Variants in MAN2B2 observed in about 807,000 individuals in gnomAD.
MAN2B2 encodes the protein mannosidase alpha class 2B member 2.
Under a neutral mutation model 117.1 loss-of-function variants are expected in MAN2B2, and 106 were observed. The ratio of observed to expected loss-of-function variants is 0.90; its 90% CI spans 0.77 to 1.06. MAN2B2 has a LOEUF of 1.06. Among genes scored for constraint, MAN2B2 ranks in the 50% least tolerant of loss-of-function variants. The pLI, the probability that MAN2B2 is intolerant of heterozygous loss-of-function variation, is 0.00. For missense variants in MAN2B2, 1,326 were observed against 1,381.4 expected (o/e 0.96, Z 0.64); for synonymous variants, 544 against 595.1 (o/e 0.91, Z 1.25).
chr4:6,587,241 G>A, intron 4 of MAN2B2, 73 bp downstream of exon 4: 1 of 1,538,804 alleles, frequency 6.5e-7, no homozygotes, highest in Non-Finnish European at 8.8e-7. Flanking sequence ...GAGCACGGTA[G>A]AAAGCTGCTG....
At chr4:6,579,828 T>A (rs1295868390) in intron 3 of MAN2B2, among the ~76,000 whole-genome samples, 1 of 152,236 alleles carries the variant, frequency 6.6e-6, no homozygotes, top group Non-Finnish European at 1.5e-5. Context: ...CTACTCACCA[T>A]TTACCAAATG....
intron 7 of MAN2B2, among the ~76,000 whole-genome samples, chr4:6,595,508 C>A (rs529032718): frequency 1.5e-4 from 23 of 152,264 alleles, no homozygotes; most frequent in African/African-American, 4.6e-4. Flanking sequence ...GGGCTGGTGT[C>A]TAGAGAGGGC....
At chr4:6,596,978 GC>G in intron 7 of MAN2B2, 134 bp from the exon 8 acceptor site, 1 of 828,868 alleles carries the variant, frequency 1.2e-6, no homozygotes, top group Middle Eastern at 2.4e-4. Flanking sequence ...CTCGCTGCCT[GC>G]CCGGCCTGCC....
chr4:6,599,398 C>T lies in MAN2B2; in HGVS notation c.1405+1044C>T, dbSNP rs375195213. Reference sequence around the variant, plus strand: ...TGCTATCTGGCCAGGCATGGTGGCTCACACCTGTAATCCCAGCACTTTGGG... The same window carrying T: ...TGCTATCTGGCCAGGCATGGTGGCTTACACCTGTAATCCCAGCACTTTGGG... On this transcript the variant is annotated intron_variant, in intron 9 of 18. Coordinates refer to ENST00000285599, the MANE Select transcript of MAN2B2 (RefSeq NM_015274.3). Among the ~76,000 whole-genome samples the T allele has an allele frequency of 2.4e-4, 36 of 152,226 alleles. No individual in the cohort carries two copies. The South Asian group carries it at 7.1e-3, about 30-fold the overall frequency.
intron 3 of MAN2B2, among the ~76,000 whole-genome samples, chr4:6,582,637 GC>G (rs1470004379): frequency 1.3e-5 from 2 of 151,846 alleles, no homozygotes; most frequent in African/African-American, 4.8e-5. Flanking sequence ...ACCAAGCCCG[GC>G]CCCCAGCAGT....
intron 3 of MAN2B2, among the ~76,000 whole-genome samples, chr4:6,583,998 C>T (rs138227469): frequency 7.9e-5 from 12 of 152,316 alleles, no homozygotes; most frequent in African/African-American, 2.6e-4. Context: ...TCTTAATGCA[C>T]CTGCTCGGGA....
At chr4:6,588,533 G>A (rs1726731627) in intron 4 of MAN2B2, among the ~76,000 whole-genome samples, 1 of 152,066 alleles carries the variant, frequency 6.6e-6, no homozygotes, top group Non-Finnish European at 1.5e-5. Context: ...TGGCCAACAT[G>A]GCAAAACCCC....
rs772008155 is a variant in MAN2B2, at chr4:6,610,844, C to G, written c.2260-36C>G. ...GATGCCTGACCTACCTTGCCCTTTG[C>G]CCCAATCGCCCACCTGGCGATGTTT... is the stretch of plus-strand genomic sequence containing the variant. On this transcript the variant is annotated intron_variant, in intron 13 of 18. Transcript: ENST00000285599. The G allele has an allele frequency of 4.4e-6, 7 of 1,594,056 alleles. No individual in the cohort carries two copies. The East Asian group carries it at 1.6e-4, about 36-fold the overall frequency.
At chr4:6,619,377 A>G (rs6816481) in intron 17 of MAN2B2, 145,841 of 152,346 alleles carry the variant, frequency 0.96, 70,122 homozygotes, top group East Asian at 1. Flanking sequence ...GGTAGGGCTC[A>G]GCAGTAGTGG....
rs765163911 is a variant in MAN2B2, at chr4:6,594,672, C to A, written c.997C>A (p.His333Asn). The change falls in exon 7 of 19, where the codon CAC becomes AAC. Residue 333 changes from histidine (H) to asparagine (N), a missense_variant. Coordinates refer to ENST00000285599, the MANE Select transcript of MAN2B2 (RefSeq NM_015274.3). Reference sequence around the variant, plus strand: ...GCTGGGCGACTACTTCCGTGCCCTGCACGCTCTCAATGTCACCTGGCGTGT... The same window carrying A: ...GCTGGGCGACTACTTCCGTGCCCTGAACGCTCTCAATGTCACCTGGCGTGT... ...ATLGDYFRAL[H>N]ALNVTWRVRD... 1.2e-5 allele frequency: 20 copies of A among 1,613,268 alleles called. No individual in the cohort carries two copies. The highest frequency in any genetic ancestry group is 4.2e-6 in the Non-Finnish European group (5 of 1,180,024).
chr4:6,575,189 A>G lies in MAN2B2; in HGVS notation c.-22A>G, dbSNP rs1056419467. On this transcript the variant is annotated 5_prime_UTR_variant, in exon 1 of 19. Transcript: ENST00000285599. ...TCGCGGACCCGGAAGTGGGCCTGGC[A>G]CCTTCCCGGCCTGCCGCAGGGATGG... 3 of 1,337,004 alleles carry G rather than the reference A, an allele frequency of 2.2e-6. No individual in the cohort carries two copies. Among genetic ancestry groups the G allele is most frequent in the Non-Finnish European group, 3.1e-6 (3 of 980,776 alleles). The allele number at this position is 1,337,004 out of a possible 1,614,324, so 82.8% of individuals were successfully genotyped here. A position where few individuals can be genotyped will look rare whatever the true frequency, so the allele number is the denominator to read the frequency against.
Position 6,605,201 on chromosome 4 carries a change from C to A in MAN2B2, c.1686C>A (p.Thr562=). ...TQEPAATVAS[T]LQFGRRLRRR... is the part of the protein sequence containing the mutation. ...AGCCGGCTGCCACTGTGGCGAGCAC[C>A]CTTCAATTTGGCCGCAGGCTGAGGA... Residue 562 remains threonine (T), a synonymous_variant, in exon 11 of 19, where the codon ACC becomes ACA. Transcript: ENST00000285599. 1 of 1,614,224 alleles carries A rather than the reference C, an allele frequency of 6.2e-7. No individual in the cohort carries two copies.
In MAN2B2 at chr4:6,617,429, C is replaced by A; in HGVS notation, c.2751C>A (p.Leu917=). The A allele has an allele frequency of 6.2e-7, 1 of 1,614,168 alleles. No individual in the cohort carries two copies. The highest frequency in any genetic ancestry group is 8.5e-7 in the Non-Finnish European group (1 of 1,180,020). Reference sequence around the variant, plus strand: ...ACCTCCGCCGTGTCCTGCTGCGGCTCTACCACCTATATGAAGTGGGCGAGG... The same window carrying A: ...ACCTCCGCCGTGTCCTGCTGCGGCTATACCACCTATATGAAGTGGGCGAGG... ...QADLRRVLLR[L]YHLYEVGEDP... is the part of the protein sequence containing the mutation. The change falls in exon 17 of 19, where the codon CTC becomes CTA. Residue 917 remains leucine, a synonymous_variant. Coordinates refer to ENST00000285599, the MANE Select transcript of MAN2B2 (RefSeq NM_015274.3).
At chr4:6,597,418 G>A in intron 8 of MAN2B2, 115 bp downstream of exon 8, 2 of 1,157,290 alleles carry the variant, frequency 1.7e-6, no homozygotes, top group African/African-American at 1.6e-5. Context: ...CCACTTTACA[G>A]AGGGGAAACT....
At chr4:6,612,195 C>G (rs1012506434) in intron 15 of MAN2B2, among the ~76,000 whole-genome samples, 1 of 152,244 alleles carries the variant, frequency 6.6e-6, no homozygotes. Context: ...CAAGCATATA[C>G]TGAGCACTTG....
intron 7 of MAN2B2, among the ~76,000 whole-genome samples, chr4:6,595,395 A>C (rs4305596): frequency 0.98 from 149,483 of 152,364 alleles, 73,393 homozygotes; most frequent in Middle Eastern, 1. Context: ...GATGTCCTAG[A>C]CCTCTGGGTG....
Position 6,610,900 on chromosome 4 carries a change from G to C in MAN2B2, c.2280G>C (p.Gln760His), listed in dbSNP as rs1300046090. 1 of 1,614,090 alleles carries C rather than the reference G, an allele frequency of 6.2e-7. No individual in the cohort carries two copies. Among genetic ancestry groups the C allele is most frequent in the African/African-American group, 1.3e-5 (1 of 74,936 alleles). ...TGCAGAATTACTACCCCATGGTTCA[G>C]TCGGCCTTCATGGAGGATGGCAAAA... ...SIARNYYPMV[Q>H]SAFMEDGKSR... Residue 760 changes from glutamine (Q) to histidine (H), a missense_variant, in exon 14 of 19, where the codon CAG becomes CAC. Transcript: ENST00000285599.
rs140227562 is a variant in MAN2B2, at chr4:6,587,125, C to T, written c.521C>T (p.Ser174Phe). The T allele has an allele frequency of 3.6e-5, 58 of 1,613,844 alleles. No homozygotes were observed. The African/African-American group carries it at 6.7e-4, about 19-fold the overall frequency. ...GCGGGCTTCAATGCCCACCTCGGCTCCCGGATCGACTACGACCTGAAGGCA... is the reference window on the plus strand; with the variant it reads ...GCGGGCTTCAATGCCCACCTCGGCTTCCGGATCGACTACGACCTGAAGGCA... Reference protein sequence around the residue: ...ALAGFNAHLGSRIDYDLKAAM... With the variant: ...ALAGFNAHLGFRIDYDLKAAM... The change falls in exon 4 of 19, where the codon TCC becomes TTC. Residue 174 changes from serine (S) to phenylalanine (F), a missense_variant. By Grantham distance (155) the Ser-to-Phe change is radical (BLOSUM62 -2). Coordinates refer to ENST00000285599, the MANE Select transcript of MAN2B2 (RefSeq NM_015274.3).
Position 6,586,917 on chromosome 4 carries a change from G to C in MAN2B2, c.392-79G>C, listed in dbSNP as rs1479249661. The C allele has an allele frequency of 1.6e-5, 23 of 1,406,994 alleles. No homozygotes were observed. In the African/African-American group the frequency reaches 2.8e-4, roughly 17 times the overall value. The allele number at this position is 1,406,994 out of a possible 1,614,324, so 87.2% of individuals were successfully genotyped here. A position where few individuals can be genotyped will look rare whatever the true frequency, so the allele number is the denominator to read the frequency against. ...GGCACTGCAACCCACTGGATAGGCA[G>C]GGTCCCCTGGGGTGAGGATGGGGCC... On this transcript the variant is annotated intron_variant, in intron 3 of 18. Transcript: ENST00000285599.
Sources: allele counts gnomAD v4.1 joint callset (sites outside exome capture counted in the v4.1 genomes callset), GRCh38; gene constraint gnomAD v4.1.1; transcripts MANE v1.5; gene names NCBI Gene and HGNC (gene_info 2026-07-23, HGNC 2026-07-21).